SHISA6: variants seen among roughly 807,000 people sequenced by gnomAD.
SHISA6 encodes protein shisa-6.
SHISA6 carries 22 observed loss-of-function variants against 47.9 expected under a neutral mutation model. That is an observed-to-expected ratio of 0.46 (90% CI 0.33 to 0.66). The LOEUF (loss-of-function observed/expected upper bound fraction) is 0.66, where lower values mean the gene tolerates loss of function less well. Ranked by LOEUF, SHISA6 falls within the 30% of genes least tolerant of loss-of-function variation. The pLI, the probability that SHISA6 is intolerant of heterozygous loss-of-function variation, is 0.02. For synonymous variants in SHISA6, 388 were observed against 337.8 expected (o/e 1.15, Z -1.63); for missense variants, 680 against 764.6 (o/e 0.89, Z 1.30).
In SHISA6 at chr17:11,553,755, A is replaced by G. The variant is rs1176055051; in HGVS notation, c.952+1803A>G. 3.9e-5 allele frequency among the ~76,000 whole-genome samples: 6 copies of G among 152,184 alleles called. 1 individual carries two copies. Among genetic ancestry groups the G allele is most frequent in the Admixed American group, 3.3e-4 (5 of 15,286 alleles). On this transcript the variant is annotated intron_variant, in intron 4 of 5. Transcript: ENST00000441885. ...AGGCCCTGCTGTCAAGGAGATTGCA[A>G]TATTTGGAGATCCACAATCCCAACT...
intron 3 of SHISA6, among the ~76,000 whole-genome samples, chr17:11,448,931 TG>T (rs1381169030): frequency 6.6e-6 from 1 of 152,246 alleles, no homozygotes; most frequent in African/African-American, 2.4e-5. Context: ...AGATCTGAAA[TG>T]TTTGACTTCT....
At position 11,353,216 on chromosome 17, in the gene SHISA6, A is replaced by C. The variant is rs1303717649; in HGVS notation, c.800-26198A>C. 2.0e-5 allele frequency among the ~76,000 whole-genome samples: 3 copies of C among 152,106 alleles called. No individual in the cohort carries two copies. In the East Asian group the frequency reaches 5.8e-4, roughly 29 times the overall value. On this transcript the variant is annotated intron_variant, in intron 2 of 5. Coordinates refer to ENST00000441885, the MANE Select transcript of SHISA6 (RefSeq NM_207386.4). Reference sequence around the variant, plus strand: ...GCTTACACCTGTAATCCCAACACTTAGGGAGGCCGAGGCTGGCGGATCACG... The same window carrying C: ...GCTTACACCTGTAATCCCAACACTTCGGGAGGCCGAGGCTGGCGGATCACG...
At chr17:11,383,831 T>A (rs1913110426) in intron 3 of SHISA6, among the ~76,000 whole-genome samples, 1 of 152,146 alleles carries the variant, frequency 6.6e-6, no homozygotes. Flanking sequence ...TGACCATGAG[T>A]TTAGGCCAAG....
chr17:11,520,488 G>A (rs2071620543), intron 3 of SHISA6, among the ~76,000 whole-genome samples: 1 of 151,944 alleles, frequency 6.6e-6, no homozygotes, highest in Non-Finnish European at 1.5e-5. Context: ...ACTGGCCCGG[G>A]GTCTTGAATG....
At chr17:11,522,760 C>G (rs535837824) in intron 3 of SHISA6, among the ~76,000 whole-genome samples, 2 of 152,254 alleles carry the variant, frequency 1.3e-5, no homozygotes, top group Admixed American at 1.3e-4. Context: ...TTAAGAAACC[C>G]AAACCCATGA....
Position 11,241,684 on chromosome 17 carries a change from G to A in SHISA6, c.262G>A (p.Ala88Thr). The A allele has an allele frequency of 6.7e-7, 1 of 1,502,050 alleles. No individual in the cohort carries two copies. The highest frequency in any genetic ancestry group is 8.8e-7 in the Non-Finnish European group (1 of 1,130,704). The allele number at this position is 1,502,050 out of a possible 1,614,324, so 93.0% of individuals were successfully genotyped here. Reference sequence around the variant, plus strand: ...GGCTGTGGCGGCGGCGGCCAGCGCGGCCGTCACCTACGAGACGTGCTGGGG... The same window carrying A: ...GGCTGTGGCGGCGGCGGCCAGCGCGACCGTCACCTACGAGACGTGCTGGGG... ...AAAVAAAASA[A>T]VTYETCWGYY... is the part of the protein sequence containing the mutation. The change falls in exon 1 of 6, where the codon GCC becomes ACC. Residue 88 changes from alanine to threonine, a missense_variant. Ala to Thr is a moderately conservative substitution (Grantham distance 58). Transcript: ENST00000441885. This position sits in a 1 kb window ranked among gnomAD's most constrained non-coding sequence, Gnocchi z 5.5.
chr17:11,523,251 C>T (rs146695800), intron 3 of SHISA6, among the ~76,000 whole-genome samples: 2,633 of 152,248 alleles, frequency 0.017, 34 homozygotes, highest in South Asian at 0.031. Flanking sequence ...GGCAGAAAAC[C>T]CCCCGTTGGC....
intron 3 of SHISA6, among the ~76,000 whole-genome samples, chr17:11,549,140 G>A (rs899473943): frequency 1.3e-5 from 2 of 152,166 alleles, no homozygotes; most frequent in African/African-American, 4.8e-5. Context: ...ACATATACAA[G>A]ATTATTCATT....
intron 3 of SHISA6, among the ~76,000 whole-genome samples, chr17:11,502,823 T>C (rs1033833470): frequency 6.6e-6 from 1 of 152,218 alleles, no homozygotes; most frequent in Non-Finnish European, 1.5e-5. Context: ...CTCACCTTTG[T>C]ATGCAGTAGT....
intron 1 of SHISA6, among the ~76,000 whole-genome samples, chr17:11,243,074 G>A (rs994887630): frequency 1.3e-5 from 2 of 151,800 alleles, no homozygotes; most frequent in Non-Finnish European, 2.9e-5. Context: ...CTGTTGCATG[G>A]TGTGGGCACT....
chr17:11,353,483 G>C (rs11651183), intron 2 of SHISA6, among the ~76,000 whole-genome samples: 2 of 151,498 alleles, frequency 1.3e-5, no homozygotes, highest in Admixed American at 6.6e-5. Context: ...GTGAGGCGGG[G>C]GGTCCTCAAC....
intron 3 of SHISA6, among the ~76,000 whole-genome samples, chr17:11,476,578 A>AT (rs1353344982): frequency 3.3e-5 from 5 of 151,716 alleles, no homozygotes; most frequent in Non-Finnish European, 7.4e-5. Flanking sequence ...TATTTGAGGA[A>AT]TTTTTTGTCA....
chr17:11,361,444 A>G (rs1229747343), intron 2 of SHISA6, among the ~76,000 whole-genome samples: 4 of 152,210 alleles, frequency 2.6e-5, no homozygotes, highest in African/African-American at 4.8e-5. Flanking sequence ...CAATGGAAAT[A>G]TAAAGTTAAT....
intron 3 of SHISA6, among the ~76,000 whole-genome samples, chr17:11,467,455 T>C (rs1041780545): frequency 1.3e-5 from 2 of 152,194 alleles, no homozygotes; most frequent in Non-Finnish European, 2.9e-5. Context: ...CTCTCTTCTG[T>C]TAATTCTTAG....
intron 2 of SHISA6, among the ~76,000 whole-genome samples, chr17:11,327,911 C>T (rs1338715123): frequency 6.6e-6 from 1 of 151,930 alleles, no homozygotes; most frequent in Non-Finnish European, 1.5e-5. Context: ...CATTTTCTCT[C>T]TCTCTCTCTG....
chr17:11,452,861 G>A (rs36012353), intron 3 of SHISA6, among the ~76,000 whole-genome samples: 78,392 of 148,822 alleles, frequency 0.53, 21,956 homozygotes, highest in African/African-American at 0.74. Context: ...GTTCTCCTAC[G>A]ACTACTTCTC....
At chr17:11,242,802 C>A (rs138697959) in intron 1 of SHISA6, among the ~76,000 whole-genome samples, 35 of 152,310 alleles carry the variant, frequency 2.3e-4, no homozygotes, top group African/African-American at 7.9e-4. Flanking sequence ...CCAAAACTTA[C>A]GCCAAGAGCT....
Position 11,471,187 on chromosome 17 carries a change from C to G in SHISA6, c.896-80709C>G, listed in dbSNP as rs530114764. On this transcript the variant is annotated intron_variant, in intron 3 of 5. Transcript: ENST00000441885. ...TCATGCCACTGCACTCCAGCCAGGTCGACAGAGTGAGACTCCATCTCAGAA... is the reference window on the plus strand; with the variant it reads ...TCATGCCACTGCACTCCAGCCAGGTGGACAGAGTGAGACTCCATCTCAGAA... Among the ~76,000 whole-genome samples the G allele has an allele frequency of 3.5e-3, 469 of 134,306 alleles. 4 individuals are homozygous for G. The Middle Eastern group carries it at 0.048, about 14-fold the overall frequency. The allele number at this position is 134,306 out of a possible 152,430, so 88.1% of individuals were successfully genotyped here.
At chr17:11,348,388 C>T (rs1911768090) in intron 2 of SHISA6, among the ~76,000 whole-genome samples, 1 of 152,070 alleles carries the variant, frequency 6.6e-6, no homozygotes, top group Non-Finnish European at 1.5e-5. Context: ...GATTTTTTGC[C>T]TCTTGTTAAA....
Sources: gnomAD v4.1 joint callset for allele counts (sites outside exome capture counted in the v4.1 genomes callset) on GRCh38, gnomAD v4.1.1 for gene constraint, Gnocchi (gnomAD v3.1) non-coding constraint, MANE v1.5 for transcripts, NCBI Gene and HGNC (gene_info 2026-07-23, HGNC 2026-07-21) for gene names.